CAMKMT: variants seen among roughly 807,000 people sequenced by gnomAD.
CAMKMT encodes CaM KMT.
In CAMKMT, 53 loss-of-function variants were observed where a neutral mutation model predicts 48.0. The ratio of observed to expected loss-of-function variants is 1.10; its 90% CI spans 0.89 to 1.39. The LOEUF is 1.39. CAMKMT is among the 40% of genes most tolerant of loss of function. The probability of loss-of-function intolerance (pLI) is 0.00; values close to 1 mark genes in which losing one functional copy is unlikely to be tolerated. For synonymous variants in CAMKMT, 165 were observed against 152.3 expected, an observed-to-expected ratio of 1.08 and a Z score of -0.61; for missense variants, 428 against 402.7, an observed-to-expected ratio of 1.06 and a Z score of -0.54.
chr2:44,596,504 A>G (rs983802779), intron 3 of CAMKMT, among the ~76,000 whole-genome samples: 1 of 152,144 alleles, frequency 6.6e-6, no homozygotes, highest in Non-Finnish European at 1.5e-5. Context: ...TCTTACATCC[A>G]TCACAGACCT....
At chr2:44,415,317 T>G (rs1683481549) in intron 3 of CAMKMT, among the ~76,000 whole-genome samples, 1 of 152,204 alleles carries the variant, frequency 6.6e-6, no homozygotes, top group Non-Finnish European at 1.5e-5. Flanking sequence ...GTTTTTAAAT[T>G]TTCCTTCTTT....
intron 3 of CAMKMT, among the ~76,000 whole-genome samples, chr2:44,524,301 G>A (rs1011035458): frequency 2.6e-5 from 4 of 152,016 alleles, no homozygotes; most frequent in Admixed American, 6.5e-5. Flanking sequence ...GTCCATCTTC[G>A]TAGCCAGTAA....
At position 44,581,323 on chromosome 2, in the gene CAMKMT, G is replaced by A. The variant is rs1669547742; in HGVS notation, c.377-122960G>A. Among the ~76,000 whole-genome samples, 2 of 152,072 alleles carry A rather than the reference G, an allele frequency of 1.3e-5. 1 individual carries two copies. The highest frequency in any genetic ancestry group is 4.1e-4 in the South Asian group (2 of 4,830). On this transcript the variant is annotated intron_variant, in intron 3 of 10. Coordinates refer to ENST00000378494, the MANE Select transcript of CAMKMT (RefSeq NM_024766.5). Reference sequence around the variant, plus strand: ...ACTTAATATTTTGTTTTACCAGCAAGAACACTGAAGCCGACATTAAGCTAA... The same window carrying A: ...ACTTAATATTTTGTTTTACCAGCAAAAACACTGAAGCCGACATTAAGCTAA...
chr2:44,472,933 G>A (rs1222351384), intron 3 of CAMKMT, among the ~76,000 whole-genome samples: 2 of 152,124 alleles, frequency 1.3e-5, no homozygotes, highest in Non-Finnish European at 2.9e-5. Context: ...TACTTCTCCT[G>A]AGATTGATAT....
chr2:44,458,377 C>T (rs1045604644), intron 3 of CAMKMT, among the ~76,000 whole-genome samples: 4 of 152,080 alleles, frequency 2.6e-5, no homozygotes, highest in African/African-American at 4.8e-5. Flanking sequence ...GACTGAGTCA[C>T]CTCGTGAAAA....
chr2:44,654,677 G>A (rs946771683), intron 3 of CAMKMT, among the ~76,000 whole-genome samples: 1 of 151,938 alleles, frequency 6.6e-6, no homozygotes, highest in African/African-American at 2.4e-5. Flanking sequence ...CATGCCTGGC[G>A]AATTTTTTGT....
At chr2:44,552,224 A>C (rs896035348) in intron 3 of CAMKMT, among the ~76,000 whole-genome samples, 3 of 152,142 alleles carry the variant, frequency 2.0e-5, no homozygotes, top group Non-Finnish European at 4.4e-5. Flanking sequence ...TGAGAACACT[A>C]ACCTACAGTT....
intron 3 of CAMKMT, among the ~76,000 whole-genome samples, chr2:44,525,483 T>G (rs6723788): frequency 0.52 from 79,023 of 151,986 alleles, 21,291 homozygotes; most frequent in Non-Finnish European, 0.59. Context: ...CTCGATCTCC[T>G]GACCTCGTGA....
At chr2:44,668,370 C>G (rs758419205) in intron 3 of CAMKMT, among the ~76,000 whole-genome samples, 2 of 152,200 alleles carry the variant, frequency 1.3e-5, no homozygotes, top group Non-Finnish European at 2.9e-5. Flanking sequence ...TCCTCGCCAG[C>G]TTAAGTATTT....
At chr2:44,381,620 A>G (rs1450230760) in intron 2 of CAMKMT, among the ~76,000 whole-genome samples, 2 of 152,248 alleles carry the variant, frequency 1.3e-5, no homozygotes, top group East Asian at 1.9e-4. Flanking sequence ...GCAGACATCC[A>G]TTGAACTTGG....
chr2:44,378,197 C>A (rs1339276853), intron 2 of CAMKMT, among the ~76,000 whole-genome samples: 3 of 152,070 alleles, frequency 2.0e-5, no homozygotes, highest in Non-Finnish European at 4.4e-5. Context: ...TTTTATGGAT[C>A]TTAAATCATA....
intron 3 of CAMKMT, among the ~76,000 whole-genome samples, chr2:44,412,976 G>A (rs979610093): frequency 6.6e-6 from 1 of 151,680 alleles, no homozygotes; most frequent in Non-Finnish European, 1.5e-5. Context: ...TTAGGGGGGC[G>A]GAGGCAGGAG....
At chr2:44,634,361 G>C (rs1240952393) in intron 3 of CAMKMT, among the ~76,000 whole-genome samples, 1 of 151,750 alleles carries the variant, frequency 6.6e-6, no homozygotes, top group Non-Finnish European at 1.5e-5. Context: ...TTTTCTCAGA[G>C]ATCGCAGTCC....
At chr2:44,684,016 G>A (rs114104817) in intron 3 of CAMKMT, among the ~76,000 whole-genome samples, 168 of 152,226 alleles carry the variant, frequency 1.1e-3, no homozygotes, top group African/African-American at 3.9e-3. Flanking sequence ...CTGTTGGGCA[G>A]CATAAACAAA....
intron 3 of CAMKMT, among the ~76,000 whole-genome samples, chr2:44,531,920 A>T (rs1034882264): frequency 4.6e-5 from 7 of 152,214 alleles, no homozygotes; most frequent in African/African-American, 1.7e-4. Context: ...GAGGAGGTTA[A>T]GCATTACAAA....
intron 3 of CAMKMT, among the ~76,000 whole-genome samples, chr2:44,436,469 A>G (rs536253935): frequency 6.6e-6 from 1 of 152,296 alleles, no homozygotes; most frequent in Admixed American, 6.5e-5. Context: ...GGCTGGGATC[A>G]TTTCAGACAA....
At chr2:44,643,359 AG>A (rs1673554809) in intron 3 of CAMKMT, among the ~76,000 whole-genome samples, 1 of 152,240 alleles carries the variant, frequency 6.6e-6, no homozygotes, top group South Asian at 2.1e-4. Context: ...TAACATGAAA[AG>A]ATACATAATT....
At chr2:44,724,995 C>T (rs1458616904) in intron 7 of CAMKMT, among the ~76,000 whole-genome samples, 2 of 152,138 alleles carry the variant, frequency 1.3e-5, no homozygotes, top group Non-Finnish European at 2.9e-5. Context: ...AAATATTCTG[C>T]AATGCAAGGG....
intron 3 of CAMKMT, among the ~76,000 whole-genome samples, chr2:44,586,321 G>GTATA (rs150949922): frequency 7.3e-5 from 11 of 149,914 alleles, no homozygotes; most frequent in African/African-American, 2.0e-4. Context: ...TTTAACATAT[G>GTATA]TATATATATA....
Sources: allele counts gnomAD v4.1 joint callset (sites outside exome capture counted in the v4.1 genomes callset), GRCh38; gene constraint gnomAD v4.1.1; transcripts MANE v1.5; gene names NCBI Gene and HGNC (gene_info 2026-07-23, HGNC 2026-07-21).